Variants in DIAPH2 observed in about 807,000 individuals in gnomAD.
DIAPH2 encodes protein diaphanous homolog 2.
DIAPH2 carries 35 observed loss-of-function variants against 92.7 expected under a neutral mutation model. That is an observed-to-expected ratio of 0.38 (90% CI 0.29 to 0.50). The LOEUF (loss-of-function observed/expected upper bound fraction) is 0.50, where lower values mean the gene tolerates loss of function less well. DIAPH2 is among the 20% of genes least tolerant of loss of function. The pLI, the probability that DIAPH2 is intolerant of heterozygous loss-of-function variation, is 0.94. For synonymous variants in DIAPH2, 301 were observed against 280.4 expected, an observed-to-expected ratio of 1.07 and a Z score of -0.73; for missense variants, 701 against 819.5, an observed-to-expected ratio of 0.86 and a Z score of 1.77.
intron 21 of DIAPH2, among the ~76,000 whole-genome samples, chrX:97,119,215 CTGT>C (rs1488891636): frequency 9.0e-6 from 1 of 111,058 alleles, no homozygotes; most frequent in Non-Finnish European, 1.9e-5. Context: ...GGGCTGAAGG[CTGT>C]TGTTCAGATT....
intron 23 of DIAPH2, among the ~76,000 whole-genome samples, chrX:97,321,763 A>G (rs1445650793): frequency 9.1e-6 from 1 of 109,831 alleles, no homozygotes; most frequent in African/African-American, 3.3e-5. Flanking sequence ...GTTAGCCAGG[A>G]TGGTCTCTAG....
intron 23 of DIAPH2, among the ~76,000 whole-genome samples, chrX:97,333,986 G>A (rs1188518016): frequency 9.0e-6 from 1 of 111,197 alleles, no homozygotes; most frequent in Non-Finnish European, 1.9e-5. Context: ...TGCCAAACTA[G>A]ATTCCTAAAA....
Position 96,884,202 on chromosome X carries a change from C to A in DIAPH2, c.587+2484C>A, listed in dbSNP as rs755849336. The A allele has an allele frequency of 9.7e-6, 6 of 620,714 alleles. No homozygotes were observed. In the South Asian group the frequency reaches 1.8e-4, roughly 19 times the overall value. 51.2% of individuals were successfully genotyped at this position (620,714 alleles called of 1,213,427 possible). On this transcript the variant is annotated intron_variant, in intron 5 of 26. Transcript: ENST00000324765. ...TTCAATCGTAGCCTTTCGGACAGCT[C>A]GAAGCCTTCTGTGGAGAGCTCGAAG...
At chrX:96,981,619 T>C (rs1336940004) in intron 17 of DIAPH2, among the ~76,000 whole-genome samples, 1 of 112,205 alleles carries the variant, frequency 8.9e-6, no homozygotes, top group Non-Finnish European at 1.9e-5. Flanking sequence ...CAGTAGGTAC[T>C]GTTATTGAAA....
intron 23 of DIAPH2, among the ~76,000 whole-genome samples, chrX:97,256,641 C>T (rs1317882887): frequency 9.0e-6 from 1 of 111,407 alleles, no homozygotes; most frequent in African/African-American, 3.3e-5. Flanking sequence ...GTAATCCCTG[C>T]TCTTTTCTTC....
intron 1 of DIAPH2, among the ~76,000 whole-genome samples, chrX:96,713,949 A>G (rs1359878704): frequency 8.9e-6 from 1 of 111,875 alleles, no homozygotes; most frequent in Non-Finnish European, 1.9e-5. Context: ...ATAAACATCC[A>G]AGTGCAGGTT....
chrX:97,225,632 T>C (rs2067959093), intron 22 of DIAPH2, among the ~76,000 whole-genome samples: 1 of 111,842 alleles, frequency 8.9e-6, no homozygotes, highest in Admixed American at 9.5e-5. Context: ...CTTCATGTTC[T>C]GAGTCCATCA....
intron 22 of DIAPH2, among the ~76,000 whole-genome samples, chrX:97,148,864 T>C (rs141494610): frequency 2.1e-4 from 23 of 111,376 alleles, no homozygotes; most frequent in African/African-American, 6.8e-4. Context: ...TTTAACAATA[T>C]TTCCCAGTCC....
chrX:97,441,213 C>G (rs1456959496), intron 26 of DIAPH2, among the ~76,000 whole-genome samples: 2 of 109,716 alleles, frequency 1.8e-5, no homozygotes, highest in East Asian at 5.9e-4. Context: ...GTCGGGAGTT[C>G]GAGACCAGCC....
At chrX:97,113,523 CA>C (rs1173495818) in intron 20 of DIAPH2, among the ~76,000 whole-genome samples, 1 of 111,949 alleles carries the variant, frequency 8.9e-6, no homozygotes, top group African/African-American at 3.2e-5. Context: ...CTGTGAAAAG[CA>C]TGAAAGCATA....
At chrX:97,022,441 C>T (rs769950546) in intron 17 of DIAPH2, among the ~76,000 whole-genome samples, 2 of 111,900 alleles carry the variant, frequency 1.8e-5, no homozygotes, top group African/African-American at 3.2e-5. Flanking sequence ...AGAAGACCTG[C>T]ATTAATTCTC....
chrX:97,297,076 CTTTTTTTTTTTTTTTTT>C (rs57145821), intron 23 of DIAPH2, among the ~76,000 whole-genome samples: 5 of 20,729 alleles, frequency 2.4e-4, no homozygotes, highest in Admixed American at 1.1e-3. Context: ...CAGGCCTGGC[CTTTTTTTTTTTTTTTTT>C]TTTTTTTTTT....
At chrX:96,876,228 T>G (rs1258174409) in intron 4 of DIAPH2, among the ~76,000 whole-genome samples, 1 of 111,291 alleles carries the variant, frequency 9.0e-6, no homozygotes, top group Admixed American at 9.6e-5. Flanking sequence ...TCACACCAGT[T>G]AGAATGGCGA....
At chrX:97,059,035 G>A (rs2066578051) in intron 17 of DIAPH2, among the ~76,000 whole-genome samples, 2 of 111,862 alleles carry the variant, frequency 1.8e-5, no homozygotes, top group African/African-American at 6.5e-5. Context: ...GATAGATAAA[G>A]GTTTGACAGC....
intron 4 of DIAPH2, among the ~76,000 whole-genome samples, chrX:96,786,210 T>G (rs1296605996): frequency 8.9e-6 from 1 of 111,838 alleles, no homozygotes; most frequent in African/African-American, 3.2e-5. Context: ...TACACTATTA[T>G]GTAGTATTAA....
At chrX:97,096,930 C>T (rs183339252) in intron 19 of DIAPH2, among the ~76,000 whole-genome samples, 119 of 111,203 alleles carry the variant, frequency 1.1e-3, no homozygotes, top group South Asian at 1.9e-3. Context: ...TCCTGGGAGC[C>T]CCCTTAGTCC....
At chrX:97,311,166 A>T (rs993432057) in intron 23 of DIAPH2, among the ~76,000 whole-genome samples, 44 of 111,913 alleles carry the variant, frequency 3.9e-4, no homozygotes, top group Non-Finnish European at 5.6e-4. Flanking sequence ...ATAATGTGTT[A>T]AGAACAGACT....
intron 17 of DIAPH2, among the ~76,000 whole-genome samples, chrX:97,049,526 A>G (rs1396533973): frequency 1.8e-5 from 2 of 111,344 alleles, no homozygotes; most frequent in Non-Finnish European, 3.8e-5. Context: ...TTTAAAAATC[A>G]GATTATGGGG....
chrX:96,819,567 T>G (rs1196826943), intron 4 of DIAPH2, among the ~76,000 whole-genome samples: 1 of 112,115 alleles, frequency 8.9e-6, no homozygotes, highest in Non-Finnish European at 1.9e-5. Flanking sequence ...TACAAGTGTT[T>G]CTAGTATCAA....
Sources: gnomAD v4.1 joint callset for allele counts (sites outside exome capture counted in the v4.1 genomes callset) on GRCh38, gnomAD v4.1.1 for gene constraint, MANE v1.5 for transcripts, NCBI Gene and HGNC (gene_info 2026-07-23, HGNC 2026-07-21) for gene names.